Variants in ODAD2 observed in about 807,000 individuals in gnomAD.
ODAD2 encodes the protein outer dynein arm-docking complex subunit 2.
ODAD2 carries 89 observed loss-of-function variants against 106.8 expected under a neutral mutation model. The ratio of observed to expected loss-of-function variants is 0.83; its 90% CI spans 0.70 to 0.99. The LOEUF is 0.99. Ranked by LOEUF, ODAD2 falls within the 50% of genes least tolerant of loss-of-function variation. The probability of loss-of-function intolerance (pLI) is 0.00; values close to 1 mark genes in which losing one functional copy is unlikely to be tolerated. For synonymous variants in ODAD2, 404 were observed against 436.2 expected (o/e 0.93, Z 0.92); for missense variants, 1,168 against 1,238.5 (o/e 0.94, Z 0.85).
rs2132985441 is a variant in ODAD2, at chr10:27,971,187, G to C, written c.1063C>G (p.Gln355Glu). ...GSDKRSLEKN[Q>E]INFWRNQMTK... ...ATTTGATTCCTCCAAAAATTAATTT[G>C]GTTCTTCTCCAGTGACCTTTTGTCT... The change falls in exon 8 of 20, where the codon CAA becomes GAA. Residue 355 changes from glutamine (Q) to glutamate (E), a missense_variant. Transcript: ENST00000305242. 1.2e-6 allele frequency: 2 copies of C among 1,613,826 alleles called. No homozygotes were observed. Among genetic ancestry groups the C allele is most frequent in the African/African-American group, 2.7e-5 (2 of 74,980 alleles).
At chr10:27,885,020 A>T (rs762663948) in intron 17 of ODAD2, among the ~76,000 whole-genome samples, 17 of 152,174 alleles carry the variant, frequency 1.1e-4, no homozygotes, top group Admixed American at 6.5e-5. Context: ...ATCTGAAGAC[A>T]TACGAAGAAA....
intron 17 of ODAD2, among the ~76,000 whole-genome samples, chr10:27,863,285 G>C (rs1840196711): frequency 6.6e-6 from 1 of 152,096 alleles, no homozygotes; most frequent in African/African-American, 2.4e-5. Flanking sequence ...GGGCCACTGT[G>C]AACAGTGAAA....
At chr10:27,947,208 T>G (rs2132662454) in intron 10 of ODAD2, among the ~76,000 whole-genome samples, 1 of 152,294 alleles carries the variant, frequency 6.6e-6, no homozygotes, top group South Asian at 2.1e-4. Context: ...AACTGTCAGG[T>G]TCATAAACCC....
At chr10:27,831,311 C>G (rs1339107841) in intron 19 of ODAD2, among the ~76,000 whole-genome samples, 1 of 152,044 alleles carries the variant, frequency 6.6e-6, no homozygotes, top group Non-Finnish European at 1.5e-5. Context: ...TCATCATCAC[C>G]GAAAACGACA....
intron 17 of ODAD2, 45 bp from the exon 18 acceptor site, chr10:27,862,667 A>G: frequency 6.9e-7 from 1 of 1,447,118 alleles, no homozygotes. Context: ...CTAAACCTAC[A>G]TTTAGGCATT....
chr10:27,970,427 T>C (rs1384126989), intron 8 of ODAD2, among the ~76,000 whole-genome samples: 2 of 152,110 alleles, frequency 1.3e-5, no homozygotes, highest in East Asian at 3.9e-4. Context: ...CTTAACCAGG[T>C]CTCTAGCATG....
At chr10:27,889,809 G>T (rs927193020) in intron 17 of ODAD2, among the ~76,000 whole-genome samples, 3 of 152,252 alleles carry the variant, frequency 2.0e-5, no homozygotes, top group Admixed American at 2.0e-4. Flanking sequence ...ATTTGAGATT[G>T]GTGATCTCAT....
At chr10:27,827,620 C>T (rs1489542371) in intron 19 of ODAD2, among the ~76,000 whole-genome samples, 1 of 151,990 alleles carries the variant, frequency 6.6e-6, no homozygotes, top group Non-Finnish European at 1.5e-5. Context: ...TCAATTATCT[C>T]TTGAATCCAC....
intron 2 of ODAD2, among the ~76,000 whole-genome samples, chr10:27,993,622 C>A (rs932351638): frequency 1.6e-4 from 25 of 152,068 alleles, no homozygotes; most frequent in African/African-American, 5.8e-4. Context: ...TGCACTCCAG[C>A]CTGGGCAAAA....
chr10:27,971,440 C>A, intron 7 of ODAD2, 127 bp from the exon 8 acceptor site: 1 of 755,174 alleles, frequency 1.3e-6, no homozygotes, highest in Non-Finnish European at 2.1e-6. Flanking sequence ...TCCTTAGTAA[C>A]AGCTAAACAA....
chr10:27,988,586 C>A (rs958351747), intron 2 of ODAD2, among the ~76,000 whole-genome samples: 4 of 152,060 alleles, frequency 2.6e-5, no homozygotes, highest in African/African-American at 9.7e-5. Flanking sequence ...GATCCACACA[C>A]CTCGACCTCC....
chr10:27,968,668 T>C (rs150162784), intron 9 of ODAD2, among the ~76,000 whole-genome samples: 2,465 of 147,628 alleles, frequency 0.017, 10 homozygotes, highest in African/African-American at 0.057. Flanking sequence ...TCACTGCTCT[T>C]TGCATTAAAT....
At chr10:27,988,138 T>A (rs1849994735) in intron 2 of ODAD2, among the ~76,000 whole-genome samples, 1 of 151,978 alleles carries the variant, frequency 6.6e-6, no homozygotes, top group East Asian at 1.9e-4. Context: ...GATCAAAAGT[T>A]ATTGAGTCTC....
intron 16 of ODAD2, among the ~76,000 whole-genome samples, chr10:27,909,817 G>GAAAAAAAAAAAAAAA (rs35449629): frequency 1.8e-5 from 1 of 56,384 alleles, no homozygotes; most frequent in Non-Finnish European, 3.3e-5. Context: ...GTCTTCATTT[G>GAAAAAAAAAAAAAAA]AAAAAAAAAA....
intron 17 of ODAD2, among the ~76,000 whole-genome samples, chr10:27,868,624 T>C (rs896376519): frequency 1.3e-5 from 2 of 152,022 alleles, no homozygotes; most frequent in Non-Finnish European, 2.9e-5. Context: ...AAGTGGGAGC[T>C]GAACAATGAG....
chr10:27,890,993 G>C (rs891684800), intron 17 of ODAD2, among the ~76,000 whole-genome samples: 2 of 152,020 alleles, frequency 1.3e-5, no homozygotes, highest in African/African-American at 2.4e-5. Context: ...CGATATATTC[G>C]ACAGCCCAAA....
At chr10:27,924,286 A>G (rs1210502802) in intron 16 of ODAD2, among the ~76,000 whole-genome samples, 1 of 151,382 alleles carries the variant, frequency 6.6e-6, no homozygotes, top group Non-Finnish European at 1.5e-5. Flanking sequence ...CTATTAAGCA[A>G]CTGGGCTAAC....
intron 19 of ODAD2, among the ~76,000 whole-genome samples, chr10:27,827,484 C>T (rs1589763657): frequency 6.6e-6 from 1 of 151,542 alleles, no homozygotes; most frequent in Non-Finnish European, 1.5e-5. Context: ...CATTTCCCCC[C>T]ACAAGCAGAT....
At chr10:27,837,633 T>C (rs1241685664) in intron 19 of ODAD2, among the ~76,000 whole-genome samples, 1 of 152,196 alleles carries the variant, frequency 6.6e-6, no homozygotes, top group African/African-American at 2.4e-5. Flanking sequence ...GCTTTTCTAA[T>C]TCCCTCTCTC....
Sources: gnomAD v4.1 joint callset for allele counts (sites outside exome capture counted in the v4.1 genomes callset) on GRCh38, gnomAD v4.1.1 for gene constraint, MANE v1.5 for transcripts, NCBI Gene and HGNC (gene_info 2026-07-23, HGNC 2026-07-21) for gene names.